Variants in KDM4C observed in about 807,000 individuals in gnomAD.
KDM4C encodes the protein lysine demethylase 4C.
A neutral mutation model predicts 129.3 loss-of-function variants in KDM4C; 81 were observed. That is an observed-to-expected ratio of 0.63 (90% CI 0.52 to 0.75). The LOEUF (loss-of-function observed/expected upper bound fraction) is 0.75, where lower values mean the gene tolerates loss of function less well. Ranked by LOEUF, KDM4C falls within the 30% of genes least tolerant of loss-of-function variation. The pLI is 0.00. For synonymous variants in KDM4C, 573 were observed against 456.1 expected, an observed-to-expected ratio of 1.26 and a Z score of -3.26; for missense variants, 1,457 against 1,304.0, an observed-to-expected ratio of 1.12 and a Z score of -1.81.
At chr9:7,041,543 AT>A (rs58264404) in intron 15 of KDM4C, among the ~76,000 whole-genome samples, 11 of 150,944 alleles carry the variant, frequency 7.3e-5, no homozygotes, top group Non-Finnish European at 1.6e-4. Context: ...ATCATAAATG[AT>A]TTTTTTTTGC....
At chr9:7,083,849 C>T (rs1225703171) in intron 17 of KDM4C, among the ~76,000 whole-genome samples, 1 of 152,016 alleles carries the variant, frequency 6.6e-6, no homozygotes, top group African/African-American at 2.4e-5. Context: ...GTTGTGTCCA[C>T]TGTAACTCTG....
chr9:6,862,723 C>G (rs1044381433), intron 5 of KDM4C, among the ~76,000 whole-genome samples: 5 of 152,150 alleles, frequency 3.3e-5, no homozygotes, highest in African/African-American at 4.8e-5. Context: ...GGGAGAATTG[C>G]TTGATCCCGG....
intron 4 of KDM4C, among the ~76,000 whole-genome samples, chr9:6,830,010 A>G (rs552479492): frequency 2.6e-5 from 4 of 152,298 alleles, no homozygotes; most frequent in South Asian, 4.1e-4. Flanking sequence ...TTCATCTACA[A>G]CTTCTCCTAG....
chr9:6,833,711 G>T (rs1168040221), intron 4 of KDM4C, among the ~76,000 whole-genome samples: 3 of 152,192 alleles, frequency 2.0e-5, no homozygotes, highest in Non-Finnish European at 4.4e-5. Context: ...CTGAATCAGT[G>T]TTAGCTGCTG....
intron 18 of KDM4C, among the ~76,000 whole-genome samples, chr9:7,118,764 G>T (rs2133274366): frequency 6.6e-6 from 1 of 152,214 alleles, no homozygotes; most frequent in South Asian, 2.1e-4. Context: ...TATTGCATTT[G>T]GATTTACGCC....
At chr9:7,157,950 C>G (rs1843365738) in intron 19 of KDM4C, among the ~76,000 whole-genome samples, 1 of 152,168 alleles carries the variant, frequency 6.6e-6, no homozygotes, top group African/African-American at 2.4e-5. Flanking sequence ...CACTTTGTAC[C>G]TCTGATAGAA....
At chr9:7,082,809 A>G (rs1834688057) in intron 17 of KDM4C, among the ~76,000 whole-genome samples, 1 of 152,224 alleles carries the variant, frequency 6.6e-6, no homozygotes, top group Non-Finnish European at 1.5e-5. Flanking sequence ...GAGCTGACAA[A>G]AGGGACTTAT....
chr9:7,006,852 C>A (rs891042572), intron 12 of KDM4C, among the ~76,000 whole-genome samples: 3 of 152,078 alleles, frequency 2.0e-5, no homozygotes, highest in Non-Finnish European at 2.9e-5. Flanking sequence ...TTTAATACTA[C>A]TATAAAAAAA....
chr9:6,752,017 C>T (rs941692190), intron 1 of KDM4C, among the ~76,000 whole-genome samples: 4 of 152,046 alleles, frequency 2.6e-5, no homozygotes, highest in African/African-American at 7.2e-5. Flanking sequence ...AGAGATTAAG[C>T]AAGTCACATT....
chr9:6,975,242 A>G (rs1229077523), intron 8 of KDM4C, among the ~76,000 whole-genome samples: 2 of 152,218 alleles, frequency 1.3e-5, no homozygotes, highest in Non-Finnish European at 2.9e-5. Flanking sequence ...GAAAATTGTT[A>G]GCTAGGCTGG....
chr9:6,802,527 G>A (rs1040593179), intron 2 of KDM4C, among the ~76,000 whole-genome samples: 3 of 152,166 alleles, frequency 2.0e-5, no homozygotes, highest in Non-Finnish European at 4.4e-5. Flanking sequence ...GCCCATCAAT[G>A]GTTATCAGTT....
intron 3 of KDM4C, among the ~76,000 whole-genome samples, chr9:6,813,453 C>T (rs557079232): frequency 1.3e-5 from 2 of 152,248 alleles, no homozygotes; most frequent in African/African-American, 4.8e-5. Flanking sequence ...ACAGTTGTTC[C>T]ATTATTTGGT....
intron 8 of KDM4C, among the ~76,000 whole-genome samples, chr9:6,899,622 A>G (rs1040513293): frequency 5.3e-5 from 8 of 152,016 alleles, no homozygotes; most frequent in East Asian, 1.9e-4. Context: ...GTGTTCACAC[A>G]TCTGGAAGAA....
rs576781175 is a variant in KDM4C at position 7,115,769 on chromosome 9, G to A, written c.2610+11899G>A. ...ACAAAAGTCTGGATTAGCTCAAAAG[G>A]CCTCCTGAAGCCTCTTGGCAGGAAG... On this transcript the variant is annotated intron_variant, in intron 18 of 21. Transcript: ENST00000381309. Among the ~76,000 whole-genome samples, 186 of 152,312 alleles carry A rather than the reference G, an allele frequency of 1.2e-3. 1 individual carries two copies. Among genetic ancestry groups the A allele is most frequent in the Non-Finnish European group, 1.6e-3 (110 of 68,028 alleles).
At chr9:6,961,928 A>G (rs1482047780) in intron 8 of KDM4C, among the ~76,000 whole-genome samples, 3 of 152,216 alleles carry the variant, frequency 2.0e-5, no homozygotes, top group Admixed American at 6.5e-5. Flanking sequence ...GAGTGCATGT[A>G]TAAATCAAAG....
chr9:6,787,634 G>C (rs1272358633), intron 1 of KDM4C, among the ~76,000 whole-genome samples: 1 of 152,194 alleles, frequency 6.6e-6, no homozygotes, highest in African/African-American at 2.4e-5. Flanking sequence ...TCTACAATCT[G>C]AGCATTTCCC....
intron 1 of KDM4C, among the ~76,000 whole-genome samples, chr9:6,721,888 C>CTCTTTT: frequency 6.6e-6 from 1 of 152,038 alleles, no homozygotes; most frequent in African/African-American, 2.4e-5. Flanking sequence ...GCGCCTGGCC[C>CTCTTTT]ATTTTTTAAT....
intron 17 of KDM4C, among the ~76,000 whole-genome samples, chr9:7,063,456 T>A (rs1831996915): frequency 6.6e-6 from 1 of 152,196 alleles, no homozygotes; most frequent in Non-Finnish European, 1.5e-5. Flanking sequence ...TCTGTCAGGA[T>A]CAGAGCAGAT....
chr9:7,158,643 G>T (rs1011004872), intron 19 of KDM4C, among the ~76,000 whole-genome samples: 2 of 152,166 alleles, frequency 1.3e-5, no homozygotes, highest in Non-Finnish European at 2.9e-5. Context: ...CCATGTAGTT[G>T]AGCGGTTTTG....
Sources: gnomAD v4.1 joint callset for allele counts (sites outside exome capture counted in the v4.1 genomes callset) on GRCh38, gnomAD v4.1.1 for gene constraint, MANE v1.5 for transcripts, NCBI Gene and HGNC (gene_info 2026-07-23, HGNC 2026-07-21) for gene names.